The following PRKAG2 variants were observed in gnomAD, a reference collection of about 807,000 sequenced individuals.
PRKAG2 encodes protein kinase AMP-activated non-catalytic subunit gamma 2, also known as 5'-AMP-activated protein kinase subunit gamma-2.
Under a neutral mutation model 69.6 loss-of-function variants are expected in PRKAG2, and 26 were observed. The ratio of observed to expected loss-of-function variants is 0.37; its 90% CI spans 0.27 to 0.52. The LOEUF (loss-of-function observed/expected upper bound fraction) is 0.52, where lower values mean the gene tolerates loss of function less well. Ranked by LOEUF, PRKAG2 falls within the 20% of genes least tolerant of loss-of-function variation. The pLI, the probability that PRKAG2 is intolerant of heterozygous loss-of-function variation, is 0.90. For synonymous variants in PRKAG2, 293 were observed against 285.0 expected, an observed-to-expected ratio of 1.03 and a Z score of -0.28; for missense variants, 557 against 740.0, an observed-to-expected ratio of 0.75 and a Z score of 2.87.
At chr7:151,622,566 C>G (rs375625276) in intron 5 of PRKAG2, among the ~76,000 whole-genome samples, 2 of 152,202 alleles carry the variant, frequency 1.3e-5, no homozygotes, top group African/African-American at 4.8e-5. Context: ...ATGGAGAAGA[C>G]AGAAGCATCT....
intron 1 of PRKAG2, among the ~76,000 whole-genome samples, chr7:151,787,154 C>A (rs1478158609): frequency 6.6e-6 from 1 of 152,232 alleles, no homozygotes; most frequent in Non-Finnish European, 1.5e-5. Flanking sequence ...ATCCTCAAAT[C>A]GGGCACAGCT....
At chr7:151,621,747 A>AT (rs1328520342) in intron 5 of PRKAG2, among the ~76,000 whole-genome samples, 9 of 151,312 alleles carry the variant, frequency 5.9e-5, no homozygotes, top group African/African-American at 1.5e-4. Context: ...TAGTTTTTGT[A>AT]TTTTTTTTGT....
chr7:151,735,928 C>T (rs1457610643), intron 3 of PRKAG2: 1 of 1,536,336 alleles, frequency 6.5e-7, no homozygotes, highest in Admixed American at 2.0e-5. Context: ...CCGACTGGCG[C>T]CTCTCCGTGC....
chr7:151,753,273 G>C (rs1392658637), intron 3 of PRKAG2, among the ~76,000 whole-genome samples: 2 of 152,232 alleles, frequency 1.3e-5, no homozygotes, highest in Admixed American at 1.3e-4. Context: ...GAAGCCTGCA[G>C]CTTAGCTGAT....
At chr7:151,635,514 G>C (rs1482333663) in intron 4 of PRKAG2, among the ~76,000 whole-genome samples, 1 of 152,206 alleles carries the variant, frequency 6.6e-6, no homozygotes, top group African/African-American at 2.4e-5. Context: ...CAAGAAAAAG[G>C]AAGGAACTAC....
At chr7:151,825,629 C>T (rs1108845) in intron 1 of PRKAG2, among the ~76,000 whole-genome samples, 14,048 of 152,256 alleles carry the variant, frequency 0.092, 807 homozygotes, top group East Asian at 0.32. Flanking sequence ...ACATTTGAAG[C>T]CTGTTTTTTC....
intron 3 of PRKAG2, among the ~76,000 whole-genome samples, chr7:151,700,102 T>A (rs950261702): frequency 6.6e-6 from 1 of 152,200 alleles, no homozygotes; most frequent in Non-Finnish European, 1.5e-5. Flanking sequence ...GGTCTTTGAA[T>A]AAGTCATTGC....
chr7:151,672,963 T>C (rs10250833), intron 4 of PRKAG2, among the ~76,000 whole-genome samples: 7,523 of 152,244 alleles, frequency 0.049, 641 homozygotes, highest in African/African-American at 0.17. Context: ...CCTATACTTG[T>C]TGGCCTTGAC....
Position 151,780,775 on chromosome 7 carries a change from G to A in PRKAG2, c.466+377C>T, listed in dbSNP as rs372790316. 4.6e-5 allele frequency among the ~76,000 whole-genome samples: 7 copies of A among 152,160 alleles called. No individual in the cohort carries two copies. The highest frequency in any genetic ancestry group is 9.7e-5 in the African/African-American group (4 of 41,422). On this transcript the variant is annotated intron_variant, in intron 3 of 15. Transcript: ENST00000287878. This position sits in a 1 kb window ranked among gnomAD's most constrained non-coding sequence, Gnocchi z 4.2. ...AGGCTGACCAAAGCAGTATGGTCCCGTGGCCCCGGGTGAGGGCCTAAGCTT... is the reference window on the plus strand; with the variant it reads ...AGGCTGACCAAAGCAGTATGGTCCCATGGCCCCGGGTGAGGGCCTAAGCTT...
rs1563728068 is a variant in PRKAG2 at position 151,820,501 on chromosome 7, G to GTCTCCAACTTCACGTCT, written c.115-33961_115-33960insAGACGTGAAGTTGGAGA. 1.5e-3 allele frequency among the ~76,000 whole-genome samples: 141 copies of GTCTCCAACTTCACGTCT among 97,174 alleles called. 1 individual carries two copies. The highest frequency in any genetic ancestry group is 8.0e-3 in the East Asian group (18 of 2,248). 63.7% of individuals were successfully genotyped at this position (97,174 alleles called of 152,430 possible). ...ACTCTACTCGGAACACCGCTCCGTG[G>GTCTCCAACTTCACGTCT]CCTGGCCCCTGTGGCTTCTGCAGGG... On this transcript the variant is annotated intron_variant, in intron 1 of 15. Coordinates refer to ENST00000287878, the MANE Select transcript of PRKAG2 (RefSeq NM_016203.4).
intron 5 of PRKAG2, among the ~76,000 whole-genome samples, chr7:151,603,534 C>A (rs1429413884): frequency 8.6e-6 from 1 of 115,684 alleles, no homozygotes; most frequent in African/African-American, 3.9e-5. Context: ...TCACCGCACA[C>A]GGAGGCACCC....
intron 3 of PRKAG2, among the ~76,000 whole-genome samples, chr7:151,702,985 C>T (rs1385082748): frequency 2.0e-5 from 3 of 152,168 alleles, no homozygotes; most frequent in Non-Finnish European, 2.9e-5. Context: ...TCTAAGCATC[C>T]GTCCATGTAC....
intron 1 of PRKAG2, among the ~76,000 whole-genome samples, chr7:151,823,811 C>T (rs1029779390): frequency 6.6e-6 from 1 of 152,100 alleles, no homozygotes; most frequent in South Asian, 2.1e-4. Flanking sequence ...CTAAATCATT[C>T]GTCTACCTGG....
rs11406004 is a variant in PRKAG2 at position 151,861,528 on chromosome 7, CAAAAAAA to C, written c.114+14972_114+14978del. On this transcript the variant is annotated intron_variant, in intron 1 of 15. Transcript: ENST00000287878. Reference sequence around the variant, plus strand: ...GGGTGACAGAATAAGACTCTGTCTCCAAAAAAAAAAAAAAAAAAAAGAATCACCTCCA... The same window carrying C: ...GGGTGACAGAATAAGACTCTGTCTCCAAAAAAAAAAAAAGAATCACCTCCA... Among the ~76,000 whole-genome samples the C allele has an allele frequency of 3.1e-5, 3 of 96,592 alleles. 1 individual carries two copies. The highest frequency in any genetic ancestry group is 1.3e-4 in the African/African-American group (3 of 23,384). The allele number at this position is 96,592 out of a possible 152,430, so 63.4% of individuals were successfully genotyped here.
rs568056185 is a variant in PRKAG2 at position 151,719,165 on chromosome 7, C to T, written c.467-43528G>A. On this transcript the variant is annotated intron_variant, in intron 3 of 15. Coordinates refer to ENST00000287878, the MANE Select transcript of PRKAG2 (RefSeq NM_016203.4). The surrounding 1 kb of genome is among the most constrained non-coding windows in gnomAD (Gnocchi z 5.2). ...GAGATGTATCTTGCAACCAGCTCAG[C>T]GGTGGAAGCAGTGGAAGTGCAGACA... 7.9e-5 allele frequency among the ~76,000 whole-genome samples: 12 copies of T among 152,238 alleles called. No homozygotes were observed. In the East Asian group the frequency reaches 1.9e-3, roughly 24 times the overall value.
In PRKAG2 at chr7:151,638,527, G is replaced by C. The variant is rs565009782; in HGVS notation, c.685-6389C>G. Among the ~76,000 whole-genome samples the C allele has an allele frequency of 6.6e-6, 1 of 152,016 alleles. No individual in the cohort carries two copies. Among genetic ancestry groups the C allele is most frequent in the African/African-American group, 2.4e-5 (1 of 41,384 alleles). On this transcript the variant is annotated intron_variant, in intron 4 of 15. Coordinates refer to ENST00000287878, the MANE Select transcript of PRKAG2 (RefSeq NM_016203.4). This position sits in a 1 kb window ranked among gnomAD's most constrained non-coding sequence, Gnocchi z 4.3. ...CGCACACCTGTAGTCCCAGCTACTC[G>C]GGAGGCTGAGGCAGGAGAATCGCTT...
chr7:151,857,424 T>TATAAATGC (rs2079812868), intron 1 of PRKAG2, among the ~76,000 whole-genome samples: 1 of 147,944 alleles, frequency 6.8e-6, no homozygotes, highest in Admixed American at 6.7e-5. Flanking sequence ...AAAGACTTCA[T>TATAAATGC]ATAAATGCAT....
At chr7:151,713,666 C>A (rs1399566001) in intron 3 of PRKAG2, among the ~76,000 whole-genome samples, 6 of 150,848 alleles carry the variant, frequency 4.0e-5, no homozygotes, top group Non-Finnish European at 4.4e-5. Flanking sequence ...CTCACTACAA[C>A]CTCAGGAGGC....
chr7:151,604,829 T>C (rs779975453), intron 5 of PRKAG2, among the ~76,000 whole-genome samples: 5 of 152,136 alleles, frequency 3.3e-5, no homozygotes, highest in Non-Finnish European at 7.4e-5. Flanking sequence ...ACCCTCCTTG[T>C]TGTGATGGCC....
Sources: allele counts gnomAD v4.1 joint callset (sites outside exome capture counted in the v4.1 genomes callset), GRCh38; gene constraint gnomAD v4.1.1; non-coding constraint Gnocchi (gnomAD v3.1); transcripts MANE v1.5; gene names NCBI Gene and HGNC (gene_info 2026-07-23, HGNC 2026-07-21).